Variants in ELMO1 observed in about 807,000 individuals in gnomAD.
The protein encoded by ELMO1 is engulfment and cell motility protein 1.
A neutral mutation model predicts 98.9 loss-of-function variants in ELMO1; 26 were observed. That is an observed-to-expected ratio of 0.26 (90% confidence interval 0.19 to 0.36). The LOEUF is 0.36. Among genes scored for constraint, ELMO1 ranks in the 10% least tolerant of loss-of-function variants. The pLI is 1.00. For missense variants in ELMO1, 627 were observed against 935.2 expected (o/e 0.67, Z 4.30); for synonymous variants, 346 against 346.0 (o/e 1.00, Z 0.00).
At chr7:37,326,891 A>AT (rs1211214259) in intron 2 of ELMO1, among the ~76,000 whole-genome samples, 1 of 152,236 alleles carries the variant, frequency 6.6e-6, no homozygotes, top group African/African-American at 2.4e-5. Flanking sequence ...GCAACTTTAG[A>AT]TAATGACAGA....
At chr7:37,405,778 C>G (rs1036669189) in intron 1 of ELMO1, among the ~76,000 whole-genome samples, 2 of 152,138 alleles carry the variant, frequency 1.3e-5, no homozygotes, top group African/African-American at 4.8e-5. Context: ...CCAGGGGAAA[C>G]CAGAGTGTCT....
chr7:37,163,646 T>C (rs1320136276), intron 13 of ELMO1, among the ~76,000 whole-genome samples: 2 of 152,182 alleles, frequency 1.3e-5, no homozygotes, highest in Non-Finnish European at 2.9e-5. Flanking sequence ...TCCAATTTCA[T>C]CCATGTCCCT....
chr7:37,161,844 T>C (rs937251745), intron 13 of ELMO1, among the ~76,000 whole-genome samples: 6 of 139,436 alleles, frequency 4.3e-5, no homozygotes, highest in East Asian at 2.1e-4. Context: ...CTGTGTTTCA[T>C]TGATTGGCAT....
chr7:37,186,865 T>A (rs752286593), intron 13 of ELMO1, among the ~76,000 whole-genome samples: 6 of 152,148 alleles, frequency 3.9e-5, no homozygotes, highest in Non-Finnish European at 8.8e-5. Context: ...GGTGAGCATA[T>A]ACATTGGTGC....
At chr7:37,233,252 A>G in intron 7 of ELMO1, 58 bp from the exon 8 acceptor site, 1 of 1,472,674 alleles carries the variant, frequency 6.8e-7, no homozygotes, top group South Asian at 1.2e-5. Context: ...AAAGACACAG[A>G]AGCAAGAAAG....
intron 4 of ELMO1, among the ~76,000 whole-genome samples, chr7:37,295,859 A>G (rs902106335): frequency 6.6e-6 from 1 of 152,218 alleles, no homozygotes; most frequent in Non-Finnish European, 1.5e-5. Context: ...ATAAAAACTC[A>G]ATCTCTGATA....
chr7:36,895,049 G>C, intron 16 of ELMO1, 32 bp from the exon 17 acceptor site: 2 of 1,610,654 alleles, frequency 1.2e-6, no homozygotes, highest in Non-Finnish European at 1.7e-6. Flanking sequence ...TCATTTTCCT[G>C]GGGGCTGACC....
At chr7:36,957,647 C>T (rs527584166) in intron 16 of ELMO1, among the ~76,000 whole-genome samples, 1 of 151,626 alleles carries the variant, frequency 6.6e-6, no homozygotes, top group African/African-American at 2.4e-5. Flanking sequence ...AAATACAGAA[C>T]CATTGCTGAA....
At chr7:37,319,323 G>A (rs573348226) in intron 2 of ELMO1, among the ~76,000 whole-genome samples, 3 of 152,048 alleles carry the variant, frequency 2.0e-5, no homozygotes, top group Admixed American at 6.5e-5. Flanking sequence ...CAGGAGTCTC[G>A]TTAACCTTTA....
chr7:37,435,855 T>C (rs1164854974), intron 1 of ELMO1, among the ~76,000 whole-genome samples: 1 of 152,156 alleles, frequency 6.6e-6, no homozygotes, highest in Non-Finnish European at 1.5e-5. Flanking sequence ...GGATAATGGT[T>C]TGCTGCCCCG....
At chr7:37,265,849 C>T (rs944820934) in intron 5 of ELMO1, among the ~76,000 whole-genome samples, 2 of 152,144 alleles carry the variant, frequency 1.3e-5, no homozygotes, top group Non-Finnish European at 2.9e-5. Context: ...GGCTGGCACA[C>T]CTGCATCTGT....
chr7:37,215,116 G>GA (rs1372757806), intron 11 of ELMO1, among the ~76,000 whole-genome samples: 8 of 152,212 alleles, frequency 5.3e-5, no homozygotes, highest in African/African-American at 1.9e-4. Context: ...ATTCATTTCA[G>GA]ATTTCAGTTC....
At chr7:37,182,176 C>G (rs1164730730) in intron 13 of ELMO1, among the ~76,000 whole-genome samples, 1 of 152,178 alleles carries the variant, frequency 6.6e-6, no homozygotes, top group Non-Finnish European at 1.5e-5. Flanking sequence ...GGTGCTGCCC[C>G]CTGGTGACGA....
At position 37,012,953 on chromosome 7, in the gene ELMO1, C is replaced by T. The variant is rs568789258; in HGVS notation, c.1437+346G>A. On this transcript the variant is annotated intron_variant, in intron 16 of 21. Transcript: ENST00000310758. The stretch of plus-strand genomic sequence containing the variant: ...GGACAGGTGGAGGGAAGGCCCCTTC[C>T]CCGACAGATCTTGCAATATTGACAA... 2.0e-5 allele frequency among the ~76,000 whole-genome samples: 3 copies of T among 152,262 alleles called. No homozygotes were observed. In the East Asian group the frequency reaches 5.8e-4, roughly 29 times the overall value.
At chr7:37,023,192 G>A (rs1794374597) in intron 15 of ELMO1, among the ~76,000 whole-genome samples, 2 of 152,168 alleles carry the variant, frequency 1.3e-5, no homozygotes, top group African/African-American at 2.4e-5. Context: ...CAGTTACATG[G>A]GCAGTTGGCG....
At chr7:37,214,091 G>A (rs1275827255) in intron 11 of ELMO1, among the ~76,000 whole-genome samples, 2 of 152,172 alleles carry the variant, frequency 1.3e-5, no homozygotes, top group Non-Finnish European at 2.9e-5. Flanking sequence ...ACTGAAAAGA[G>A]AACATACAAG....
rs770260052 is a variant in ELMO1, at chr7:36,919,469, G to A, written c.1438-24452C>T. 1.6e-5 allele frequency: 8 copies of A among 495,140 alleles called. No homozygotes were observed. The Middle Eastern group carries it at 9.9e-4, about 61-fold the overall frequency. 30.7% of individuals were successfully genotyped at this position (495,140 alleles called of 1,614,324 possible). A position where few individuals can be genotyped will look rare whatever the true frequency, so the allele number is the denominator to read the frequency against. On this transcript the variant is annotated intron_variant, in intron 16 of 21. Coordinates refer to ENST00000310758, the MANE Select transcript of ELMO1 (RefSeq NM_014800.11). ...GAAGAATGTGGGCTTTGGGGTCACA[G>A]AACTCTGGATTTGAAACCTGGTTCT...
intron 1 of ELMO1, among the ~76,000 whole-genome samples, chr7:37,418,921 C>T (rs1414052943): frequency 6.6e-6 from 1 of 152,092 alleles, no homozygotes; most frequent in Non-Finnish European, 1.5e-5. Context: ...GTACTCGCAA[C>T]AAGACTAAGC....
chr7:37,042,244 AGAGT>A (rs1226576472), intron 15 of ELMO1, among the ~76,000 whole-genome samples: 2 of 151,982 alleles, frequency 1.3e-5, no homozygotes, highest in Admixed American at 6.6e-5. Context: ...AGAGAAAGAA[AGAGT>A]GAGTGTTACA....
Sources: allele counts gnomAD v4.1 joint callset (sites outside exome capture counted in the v4.1 genomes callset), GRCh38; gene constraint gnomAD v4.1.1; transcripts MANE v1.5; gene names NCBI Gene and HGNC (gene_info 2026-07-23, HGNC 2026-07-21).